The following SBF1 variants were observed in gnomAD, a reference collection of about 807,000 sequenced individuals.
The protein encoded by SBF1 is SET binding factor 1.
In SBF1, 65 loss-of-function variants were observed where a neutral mutation model predicts 215.8. The observed-to-expected ratio is 0.30, with a 90% CI of 0.25 to 0.37. The LOEUF (loss-of-function observed/expected upper bound fraction) is 0.37, where lower values mean the gene tolerates loss of function less well. Ranked by LOEUF, SBF1 falls within the 10% of genes least tolerant of loss-of-function variation. The pLI is 1.00. For missense variants in SBF1, 2,634 were observed against 2,667.8 expected, an observed-to-expected ratio of 0.99 and a Z score of 0.28; for synonymous variants, 1,410 against 1,122.8, an observed-to-expected ratio of 1.26 and a Z score of -5.11.
intron 37 of SBF1, 44 bp from the exon 38 acceptor site, chr22:50,448,488 C>G (rs1210078108): frequency 5.0e-6 from 8 of 1,608,116 alleles, no homozygotes; most frequent in Non-Finnish European, 6.0e-6. Flanking sequence ...TGGACAGACT[C>G]CACTTTCTCC....
chr22:50,458,786 G>C (rs73441477), intron 28 of SBF1, among the ~76,000 whole-genome samples: 2 of 152,126 alleles, frequency 1.3e-5, no homozygotes, highest in Admixed American at 1.3e-4. Flanking sequence ...CGAGGACAGA[G>C]GCCAAGCTGC....
rs1400589054 is a variant in SBF1, at chr22:50,466,418, G to C, written c.720C>G (p.Ser240=). 12 of 1,552,992 alleles carry C rather than the reference G, an allele frequency of 7.7e-6. No homozygotes were observed. The East Asian group carries it at 2.0e-4, about 25-fold the overall frequency. ...ALTEHKVLFL[S]RSYQRLADAC... ...CATCGGCGAGCCGCTGGTAGCTCCG[G>C]GACAGGAAGAGAACCTTGTGCTCCG... The change falls in exon 7 of 41, where the codon TCC becomes TCG. Residue 240 remains serine, a synonymous_variant. Coordinates refer to ENST00000380817, the MANE Select transcript of SBF1 (RefSeq NM_002972.4).
chr22:50,448,333 C>T lies in SBF1; in HGVS notation c.5263G>A (p.Asp1755Asn), dbSNP rs1240252021. Reference protein sequence around the residue: ...GSTLSLSLDSDQSSGSTTSGS... With the variant: ...GSTLSLSLDSNQSSGSTTSGS... ...GATGTGGTTGAGCCACTACTCTGGT[C>T]GCTGTCCAGGCTGAGGCTCAGGGTG... Residue 1755 changes from aspartate (D) to asparagine (N), a missense_variant, in exon 38 of 41, where the codon GAC becomes AAC. Transcript: ENST00000380817. The T allele has an allele frequency of 3.7e-6, 6 of 1,613,804 alleles. No homozygotes were observed. Among genetic ancestry groups the T allele is most frequent in the Admixed American group, 3.3e-5 (2 of 60,028 alleles).
Position 50,446,248 on chromosome 22 carries a change from TGA to T in SBF1, c.*892_*893del, listed in dbSNP as rs2066802650. Reference sequence around the variant, plus strand: ...CTTTTGGGGCAGAATTCCCAAGAACTGAGAGGGTCCATCCCCCATGGGCGTTG... The same window carrying T: ...CTTTTGGGGCAGAATTCCCAAGAACTGAGGGTCCATCCCCCATGGGCGTTG... On this transcript the variant is annotated 3_prime_UTR_variant, in exon 41 of 41. Transcript: ENST00000380817. 1.3e-5 allele frequency: 2 copies of T among 151,646 alleles called. No individual in the cohort carries two copies. The highest frequency in any genetic ancestry group is 1.5e-5 in the Non-Finnish European group (1 of 68,052). The allele number at this position is 151,646 out of a possible 1,614,324, so 9.4% of individuals were successfully genotyped here. A position where few individuals can be genotyped will look rare whatever the true frequency, so the allele number is the denominator to read the frequency against.
At chr22:50,447,997 T>TGCCAGAC (rs1376456273) in intron 38 of SBF1, among the ~76,000 whole-genome samples, 11 of 152,206 alleles carry the variant, frequency 7.2e-5, no homozygotes, top group African/African-American at 2.2e-4. Flanking sequence ...GGATGGATCC[T>TGCCAGAC]GCCAGACTCC....
chr22:50,448,020 G>A (rs1197285654), intron 38 of SBF1, among the ~76,000 whole-genome samples: 1 of 152,160 alleles, frequency 6.6e-6, no homozygotes, highest in Admixed American at 6.5e-5. Flanking sequence ...ACTCACGGGG[G>A]CCCCACCACT....
intron 36 of SBF1, among the ~76,000 whole-genome samples, chr22:50,452,140 TAAA>T (rs374473892): frequency 1.7e-4 from 19 of 113,150 alleles, no homozygotes; most frequent in Admixed American, 4.6e-4. Context: ...ACTGCTGAAT[TAAA>T]AAAAAAAAAA....
At chr22:50,470,241 G>A (rs551992501) in intron 1 of SBF1, among the ~76,000 whole-genome samples, 2 of 152,284 alleles carry the variant, frequency 1.3e-5, no homozygotes, top group South Asian at 2.1e-4. Flanking sequence ...GAGGCAGCAG[G>A]TGGAGGAAGG....
Position 50,457,057 on chromosome 22 carries a change from G to A in SBF1, c.3881C>T (p.Ala1294Val). Residue 1294 changes from alanine (A) to valine (V), a missense_variant, in exon 29 of 41, where the codon GCC becomes GTC. Ala to Val is a moderately conservative substitution (Grantham distance 64). Transcript: ENST00000380817. ...ACCTCGGGGTGCGGTCCGTCTGGAG[G>A]CCGAGGCCGCCATGGGGTTGGACAG... The part of the protein sequence containing the change: ...TTLSNPMAAS[A>V]SRRTAPRGKW... 1.4e-6 allele frequency: 2 copies of A among 1,465,436 alleles called. No homozygotes were observed. Among genetic ancestry groups the A allele is most frequent in the African/African-American group, 1.5e-5 (1 of 67,704 alleles). 90.8% of individuals were successfully genotyped at this position (1,465,436 alleles called of 1,614,324 possible).
rs1447355725 is a variant in SBF1, at chr22:50,466,559, C to T, written c.655+46G>A. Reference sequence around the variant, plus strand: ...AGTGAGAACCCACATCCCTAACTACCAGTCCCCGAGGGGAAGCCATGCGGG... The same window carrying T: ...AGTGAGAACCCACATCCCTAACTACTAGTCCCCGAGGGGAAGCCATGCGGG... On this transcript the variant is annotated intron_variant, in intron 6 of 40. Coordinates refer to ENST00000380817, the MANE Select transcript of SBF1 (RefSeq NM_002972.4). 3.3e-6 allele frequency: 5 copies of T among 1,528,896 alleles called. No homozygotes were observed. In the African/African-American group the frequency reaches 6.9e-5, roughly 21 times the overall value. The allele number at this position is 1,528,896 out of a possible 1,614,324, so 94.7% of individuals were successfully genotyped here.
intron 31 of SBF1, 84 bp from the exon 32 acceptor site, chr22:50,455,666 A>G (rs529637156): frequency 2.6e-6 from 3 of 1,168,460 alleles, no homozygotes; most frequent in Admixed American, 2.0e-5. Context: ...CCGCATGTCC[A>G]CAGGCAGCGG....
chr22:50,456,776 AG>A, intron 29 of SBF1, 103 bp from the exon 30 acceptor site: 2 of 1,093,142 alleles, frequency 1.8e-6, no homozygotes, highest in East Asian at 2.7e-5. Context: ...CTCCCAGGGC[AG>A]GGGTGGTTGG....
In SBF1 at chr22:50,445,507, G is replaced by A. The variant is rs1433109367; in HGVS notation, c.*1635C>T. 1.3e-5 allele frequency: 2 copies of A among 152,354 alleles called. No homozygotes were observed. Among genetic ancestry groups the A allele is most frequent in the South Asian group, 4.2e-4 (2 of 4,816 alleles). The allele number at this position is 152,354 out of a possible 1,614,324, so 9.4% of individuals were successfully genotyped here. A position where few individuals can be genotyped will look rare whatever the true frequency, so the allele number is the denominator to read the frequency against. ...CCCCAGAGGCCGAGTCTCTGCCCCAGCTACACATTGAGTGCCTTGTTCTCG... is the reference window on the plus strand; with the variant it reads ...CCCCAGAGGCCGAGTCTCTGCCCCAACTACACATTGAGTGCCTTGTTCTCG... On this transcript the variant is annotated 3_prime_UTR_variant, in exon 41 of 41. Coordinates refer to ENST00000380817, the MANE Select transcript of SBF1 (RefSeq NM_002972.4).
intron 36 of SBF1, 134 bp downstream of exon 36, chr22:50,454,378 G>A (rs868174530): frequency 2.2e-5 from 17 of 769,750 alleles, no homozygotes; most frequent in South Asian, 5.0e-5. Context: ...GTGGGGAGAC[G>A]GCAGGGCCAC....
intron 9 of SBF1, 28 bp from the exon 10 acceptor site, chr22:50,465,868 T>A (rs1217391059): frequency 5.6e-6 from 9 of 1,612,780 alleles, no homozygotes; most frequent in Non-Finnish European, 7.6e-6. Flanking sequence ...AGCAGGCAGC[T>A]GCACGCTGGC....
Position 50,454,396 on chromosome 22 carries a change from C to T in SBF1, c.5043+116G>A, listed in dbSNP as rs2067163321. 1.3e-5 allele frequency: 12 copies of T among 944,488 alleles called. No individual in the cohort carries two copies. In the South Asian group the frequency reaches 1.8e-4, roughly 14 times the overall value. The allele number at this position is 944,488 out of a possible 1,614,324, so 58.5% of individuals were successfully genotyped here. On this transcript the variant is annotated intron_variant, in intron 36 of 40. Coordinates refer to ENST00000380817, the MANE Select transcript of SBF1 (RefSeq NM_002972.4). ...GGGAGACGGCAGGGCCACACCAACC[C>T]CCAGGGGTAACCGGACTTACGTGCA...
At chr22:50,467,108 C>A (rs2067798887) in intron 5 of SBF1, 7 of 595,786 alleles carry the variant, frequency 1.2e-5, no homozygotes, top group South Asian at 9.9e-5. Context: ...GAGACAGGCA[C>A]ACACCATCAA....
chr22:50,469,255 T>C (rs564443130), intron 1 of SBF1, among the ~76,000 whole-genome samples: 12 of 152,290 alleles, frequency 7.9e-5, no homozygotes, highest in African/African-American at 2.6e-4. Flanking sequence ...AATCTCCCTG[T>C]ACAAAGGCCA....
chr22:50,471,297 G>A (rs1332458937), intron 1 of SBF1, among the ~76,000 whole-genome samples: 1 of 152,214 alleles, frequency 6.6e-6, no homozygotes, highest in African/African-American at 2.4e-5. Context: ...CAATGTCCCT[G>A]CGGCCAGCCC....
Sources: allele counts gnomAD v4.1 joint callset (sites outside exome capture counted in the v4.1 genomes callset), GRCh38; gene constraint gnomAD v4.1.1; transcripts MANE v1.5; gene names NCBI Gene and HGNC (gene_info 2026-07-23, HGNC 2026-07-21).